STK39: variants seen among roughly 807,000 people sequenced by gnomAD.
The protein encoded by STK39 is STE20/SPS1-related proline-alanine-rich protein kinase.
STK39 carries 20 observed loss-of-function variants against 77.8 expected under a neutral mutation model. The ratio of observed to expected loss-of-function variants is 0.26; its 90% CI spans 0.18 to 0.37. The LOEUF (loss-of-function observed/expected upper bound fraction) is 0.37. Among genes scored for constraint, STK39 ranks in the 10% least tolerant of loss-of-function variants. STK39 has a pLI of 1.00. For synonymous variants in STK39, 246 were observed against 234.1 expected (o/e 1.05, Z -0.47); for missense variants, 479 against 656.5 (o/e 0.73, Z 2.95).
At chr2:168,008,513 C>CT (rs1470765755) in intron 16 of STK39, among the ~76,000 whole-genome samples, 1 of 152,096 alleles carries the variant, frequency 6.6e-6, no homozygotes, top group Non-Finnish European at 1.5e-5. Context: ...TCTTGGATGT[C>CT]TATTACATTT....
At chr2:168,107,408 C>T (rs1353233385) in intron 10 of STK39, among the ~76,000 whole-genome samples, 1 of 152,148 alleles carries the variant, frequency 6.6e-6, no homozygotes, top group Non-Finnish European at 1.5e-5. Context: ...TGTCACGTGC[C>T]TTCTTGAAAG....
chr2:168,082,723 G>A (rs1416184543), intron 10 of STK39, among the ~76,000 whole-genome samples: 5 of 152,168 alleles, frequency 3.3e-5, no homozygotes, highest in African/African-American at 1.2e-4. Context: ...TGGCCTCCCT[G>A]ACCTCATCTA....
chr2:168,173,876 T>TA (rs1268779571), intron 2 of STK39, among the ~76,000 whole-genome samples: 20 of 152,206 alleles, frequency 1.3e-4, no homozygotes, highest in Non-Finnish European at 2.5e-4. Context: ...CAAAAAATGA[T>TA]ATACCATTTA....
chr2:168,150,331 A>G (rs1400641), intron 5 of STK39, among the ~76,000 whole-genome samples: 24,935 of 152,220 alleles, frequency 0.16, 2,121 homozygotes, highest in South Asian at 0.26. Flanking sequence ...TTCTAAAAAC[A>G]TAAATCATAT....
intron 8 of STK39, among the ~76,000 whole-genome samples, chr2:168,137,746 A>C (rs1019238110): frequency 9.8e-5 from 15 of 152,362 alleles, no homozygotes; most frequent in Admixed American, 8.5e-4. Flanking sequence ...CAACCTACAC[A>C]GTGAAGAATA....
intron 1 of STK39, among the ~76,000 whole-genome samples, chr2:168,241,811 A>T (rs537199974): frequency 1.3e-5 from 2 of 152,238 alleles, no homozygotes; most frequent in Non-Finnish European, 2.9e-5. Flanking sequence ...CACGATTCTC[A>T]GTGCTTTACA....
chr2:167,968,464 C>T (rs1250741269), intron 16 of STK39, among the ~76,000 whole-genome samples: 1 of 152,232 alleles, frequency 6.6e-6, no homozygotes, highest in Non-Finnish European at 1.5e-5. Flanking sequence ...GAGATACCAG[C>T]TTATTTCACA....
chr2:168,087,389 A>C (rs1686396855), intron 10 of STK39, among the ~76,000 whole-genome samples: 1 of 152,204 alleles, frequency 6.6e-6, no homozygotes, highest in Non-Finnish European at 1.5e-5. Flanking sequence ...CTCCAACACT[A>C]AGCTAGGCAT....
At chr2:168,221,642 G>A (rs555020680) in intron 1 of STK39, among the ~76,000 whole-genome samples, 2 of 152,232 alleles carry the variant, frequency 1.3e-5, no homozygotes, top group African/African-American at 2.4e-5. Context: ...GAGATGGAAC[G>A]ATTAGTTACC....
chr2:168,155,054 G>A (rs1688390735), intron 5 of STK39, among the ~76,000 whole-genome samples: 1 of 152,128 alleles, frequency 6.6e-6, no homozygotes, highest in Non-Finnish European at 1.5e-5. Context: ...AAAAGAGAGG[G>A]AAGGAGGGAG....
intron 1 of STK39, among the ~76,000 whole-genome samples, chr2:168,236,926 A>T (rs1399436890): frequency 1.3e-4 from 20 of 152,160 alleles, no homozygotes; most frequent in Non-Finnish European, 2.6e-4. Flanking sequence ...TGACTTGGCA[A>T]TGCGGGCTTT....
intron 10 of STK39, among the ~76,000 whole-genome samples, chr2:168,123,925 T>C (rs1687474960): frequency 6.6e-6 from 1 of 151,202 alleles, no homozygotes; most frequent in African/African-American, 2.4e-5. Flanking sequence ...TCAACACTTG[T>C]AAGTATTAAA....
chr2:168,094,877 C>A (rs1336467759), intron 10 of STK39, among the ~76,000 whole-genome samples: 1 of 152,194 alleles, frequency 6.6e-6, no homozygotes, highest in African/African-American at 2.4e-5. Context: ...GCAAACCAGG[C>A]CCCCTCCAGT....
intron 1 of STK39, among the ~76,000 whole-genome samples, chr2:168,229,753 A>G (rs1690404744): frequency 1.3e-5 from 2 of 152,182 alleles, no homozygotes; most frequent in Non-Finnish European, 2.9e-5. Context: ...GCATGCAAAC[A>G]ATCTATGTTT....
At chr2:168,102,638 A>C (rs1686860527) in intron 10 of STK39, among the ~76,000 whole-genome samples, 1 of 152,020 alleles carries the variant, frequency 6.6e-6, no homozygotes, top group Non-Finnish European at 1.5e-5. Flanking sequence ...CTGTTTAAAA[A>C]TCTCTTCTCA....
chr2:168,025,010 A>C (rs1362255224), intron 14 of STK39, among the ~76,000 whole-genome samples: 1 of 152,178 alleles, frequency 6.6e-6, no homozygotes, highest in African/African-American at 2.4e-5. Context: ...CAGAGTTTAC[A>C]AGTCTGGCTT....
chr2:168,218,441 A>C (rs1359886544), intron 1 of STK39, among the ~76,000 whole-genome samples: 1 of 152,210 alleles, frequency 6.6e-6, no homozygotes, highest in Non-Finnish European at 1.5e-5. Context: ...AGGGCACAGC[A>C]CCATGCATAC....
At chr2:168,125,176 T>G (rs928829694) in intron 10 of STK39, among the ~76,000 whole-genome samples, 17 of 151,956 alleles carry the variant, frequency 1.1e-4, no homozygotes, top group Admixed American at 9.8e-4. Context: ...AGATACTGTC[T>G]GTAATACAAA....
At chr2:168,063,688 T>G in intron 13 of STK39, 118 bp from the exon 14 acceptor site, 3 of 849,650 alleles carry the variant, frequency 3.5e-6, no homozygotes, top group Non-Finnish European at 5.5e-6. Context: ...AACTAGATCT[T>G]TACACACGCA....
Sources: allele counts gnomAD v4.1 joint callset (sites outside exome capture counted in the v4.1 genomes callset), GRCh38; gene constraint gnomAD v4.1.1; transcripts MANE v1.5; gene names NCBI Gene and HGNC (gene_info 2026-07-23, HGNC 2026-07-21).